Variants in TUBGCP5 observed in about 807,000 individuals in gnomAD.
TUBGCP5 encodes the protein gamma-tubulin complex component 5.
Under a neutral mutation model 134.7 loss-of-function variants are expected in TUBGCP5, and 98 were observed. The ratio of observed to expected loss-of-function variants is 0.73; its 90% CI spans 0.62 to 0.86. The LOEUF (loss-of-function observed/expected upper bound fraction) is 0.86, where lower values mean the gene tolerates loss of function less well. TUBGCP5 is among the 40% of genes least tolerant of loss of function. The pLI is 0.00. For synonymous variants in TUBGCP5, 456 were observed against 431.4 expected (o/e 1.06, Z -0.71); for missense variants, 1,150 against 1,244.8 (o/e 0.92, Z 1.15).
At chr15:22,990,116 T>C (rs1381590213) in intron 23 of TUBGCP5, among the ~76,000 whole-genome samples, 1 of 152,176 alleles carries the variant, frequency 6.6e-6, no homozygotes, top group East Asian at 1.9e-4. Flanking sequence ...GATTCCTCTC[T>C]TTCCTTCCTG....
chr15:23,036,268 G>A (rs2066586189), intron 3 of TUBGCP5, among the ~76,000 whole-genome samples: 1 of 152,104 alleles, frequency 6.6e-6, no homozygotes, highest in Non-Finnish European at 1.5e-5. Context: ...TGGGGGGAGT[G>A]GAGGGTAATA....
At chr15:23,018,105 T>C (rs2065446122) in intron 12 of TUBGCP5, 64 bp from the exon 13 acceptor site, 1 of 1,465,404 alleles carries the variant, frequency 6.8e-7, no homozygotes, top group Non-Finnish European at 9.2e-7. Context: ...ATACTTGTTC[T>C]AGTTTGTTGT....
intron 23 of TUBGCP5, among the ~76,000 whole-genome samples, chr15:22,987,501 A>G (rs561120731): frequency 6.6e-6 from 1 of 151,906 alleles, no homozygotes; most frequent in Non-Finnish European, 1.5e-5. Flanking sequence ...CTATGTTGAA[A>G]CCCCATCACC....
chr15:23,011,991 C>T (rs576034471), intron 13 of TUBGCP5, among the ~76,000 whole-genome samples: 1 of 151,394 alleles, frequency 6.6e-6, no homozygotes, highest in South Asian at 2.1e-4. Context: ...TGCCTGTGGT[C>T]CCAAGCTACT....
intron 15 of TUBGCP5, 114 bp downstream of exon 15, chr15:23,009,831 C>T: frequency 1.2e-6 from 1 of 831,728 alleles, no homozygotes; most frequent in South Asian, 2.6e-5. Context: ...AAATTGTTTA[C>T]TGTATATCCA....
chr15:22,995,422 G>A (rs1196989594), downstream of TUBGCP5, among the ~76,000 whole-genome samples: 1 of 151,610 alleles, frequency 6.6e-6, no homozygotes, highest in Non-Finnish European at 1.5e-5. Context: ...CCATAGGAGG[G>A]CACCTGGCCC....
intron 7 of TUBGCP5, 41 bp from the exon 8 acceptor site, chr15:23,026,246 AAGT>A (rs2065982530): frequency 6.6e-7 from 1 of 1,523,626 alleles, no homozygotes; most frequent in Admixed American, 1.7e-5. Context: ...AAAGGTTTCT[AAGT>A]AAGTAAATAA....
At chr15:23,024,413 AACAT>A in intron 9 of TUBGCP5, 1 of 514,728 alleles carries the variant, frequency 1.9e-6, no homozygotes, top group Non-Finnish European at 3.2e-6. Flanking sequence ...TATTTTTAAA[AACAT>A]ACATAAGTAA....
chr15:22,995,319 G>A (rs73411356), downstream of TUBGCP5, among the ~76,000 whole-genome samples: 6,964 of 151,908 alleles, frequency 0.046, 425 homozygotes, highest in African/African-American at 0.14. Context: ...CTCAGATGCT[G>A]TTTTACTCAT....
At chr15:23,002,290 C>T (rs1316006274) in intron 21 of TUBGCP5, among the ~76,000 whole-genome samples, 2 of 152,258 alleles carry the variant, frequency 1.3e-5, no homozygotes, top group African/African-American at 4.8e-5. Flanking sequence ...TGGGAGATTT[C>T]GAATTATACT....
chr15:23,018,805 A>G (rs899592723), intron 12 of TUBGCP5, among the ~76,000 whole-genome samples: 1 of 152,208 alleles, frequency 6.6e-6, no homozygotes, highest in African/African-American at 2.4e-5. Context: ...AGGTAAAAGA[A>G]ATCAGTAGAT....
Position 23,023,927 on chromosome 15 carries a change from A to G in TUBGCP5, c.1168+20T>C, listed in dbSNP as rs1206797744. ...TATGAGTTACGTGTAGTATGAGTAA[A>G]GATGAAGAACATTTAATACCATTAT... On this transcript the variant is annotated intron_variant, in intron 10 of 22. Coordinates refer to ENST00000615383, the MANE Select transcript of TUBGCP5 (RefSeq NM_052903.6). 1.2e-6 allele frequency: 2 copies of G among 1,611,018 alleles called. No individual in the cohort carries two copies. Among genetic ancestry groups the G allele is most frequent in the East Asian group, 4.5e-5 (2 of 44,852 alleles).
intron 4 of TUBGCP5, 39 bp downstream of exon 4, chr15:23,032,689 T>C (rs770482367): frequency 9.4e-6 from 13 of 1,384,452 alleles, no homozygotes; most frequent in Non-Finnish European, 2.0e-6. Flanking sequence ...AAACAATTTC[T>C]CTTTTACTTC....
intron 13 of TUBGCP5, among the ~76,000 whole-genome samples, chr15:23,012,820 A>T (rs1302919208): frequency 1.3e-5 from 2 of 152,218 alleles, no homozygotes; most frequent in African/African-American, 4.8e-5. Flanking sequence ...AAGAAATGCC[A>T]GAAGGGCTGG....
In TUBGCP5 at chr15:22,999,672, A is replaced by AT; in HGVS notation, c.*147dup. On this transcript the variant is annotated 3_prime_UTR_variant, in exon 23 of 23. Transcript: ENST00000615383. ...TGTCTTGGCCTCCCATCGTGCTGGGATTAGAGGCATGAGCGACTGTGCCAG... is the reference window on the plus strand; with the variant it reads ...TGTCTTGGCCTCCCATCGTGCTGGGATTTAGAGGCATGAGCGACTGTGCCAG... 1.2e-6 allele frequency: 1 copy of AT among 834,514 alleles called. No individual in the cohort carries two copies. Among genetic ancestry groups the AT allele is most frequent in the Non-Finnish European group, 1.9e-6 (1 of 524,554 alleles). The allele number at this position is 834,514 out of a possible 1,614,324, so 51.7% of individuals were successfully genotyped here.
chr15:22,988,605 G>A (rs1468085967), intron 23 of TUBGCP5, among the ~76,000 whole-genome samples: 1 of 151,408 alleles, frequency 6.6e-6, no homozygotes, highest in Non-Finnish European at 1.5e-5. Context: ...GCGTGGTGGT[G>A]GGTGCCTGTA....
At chr15:22,987,336 CA>C (rs34835716) in intron 23 of TUBGCP5, among the ~76,000 whole-genome samples, 54,701 of 125,268 alleles carry the variant, frequency 0.44, 10,707 homozygotes, top group African/African-American at 0.55. Context: ...AACTCCATCT[CA>C]AAAAAAAAAA....
intron 7 of TUBGCP5, 49 bp from the exon 8 acceptor site, chr15:23,026,254 A>C (rs772249385): frequency 3.3e-6 from 5 of 1,501,616 alleles, no homozygotes; most frequent in Non-Finnish European, 4.6e-6. Context: ...CTAAGTAAGT[A>C]AATAACTTAT....
chr15:22,998,163 A>G (rs963135685), downstream of TUBGCP5, among the ~76,000 whole-genome samples: 1 of 151,810 alleles, frequency 6.6e-6, no homozygotes, highest in African/African-American at 2.4e-5. Context: ...AAAAATACAA[A>G]AATTAGCTGG....
Sources: gnomAD v4.1 joint callset for allele counts (sites outside exome capture counted in the v4.1 genomes callset) on GRCh38, gnomAD v4.1.1 for gene constraint, MANE v1.5 for transcripts, NCBI Gene and HGNC (gene_info 2026-07-23, HGNC 2026-07-21) for gene names.